MPHOSPH6: variants seen among roughly 807,000 people sequenced by gnomAD.
MPHOSPH6 encodes the protein M-phase phosphoprotein 6.
In MPHOSPH6, 25 loss-of-function variants were observed where a neutral mutation model predicts 21.8. The ratio of observed to expected loss-of-function variants is 1.15; its 90% confidence interval spans 0.83 to 1.60. The LOEUF (loss-of-function observed/expected upper bound fraction) is 1.60, where lower values mean the gene tolerates loss of function less well. Ranked by LOEUF, MPHOSPH6 falls within the 40% of genes most tolerant of loss-of-function variation. The pLI is 0.00. For synonymous variants in MPHOSPH6, 84 were observed against 56.5 expected, an observed-to-expected ratio of 1.49 and a Z score of -2.18; for missense variants, 269 against 181.8, an observed-to-expected ratio of 1.48 and a Z score of -2.76.
intron 2 of MPHOSPH6, among the ~76,000 whole-genome samples, chr16:82,152,671 G>T (rs1221312867): frequency 6.6e-6 from 1 of 152,156 alleles, no homozygotes; most frequent in Non-Finnish European, 1.5e-5. Flanking sequence ...TGCTGCTGAC[G>T]GGGCTGAGCA....
In MPHOSPH6 at chr16:82,148,653, A is replaced by C; in HGVS notation, c.*78T>G. ...AACGTTACAGTATTAATAACTATAG[A>C]GACACCATTGGGATGAGCTCCAGAT... On this transcript the variant is annotated 3_prime_UTR_variant, in exon 5 of 5. Transcript: ENST00000258169. 6.6e-7 allele frequency: 1 copy of C among 1,519,436 alleles called. No individual in the cohort carries two copies. The highest frequency in any genetic ancestry group is 8.9e-7 in the Non-Finnish European group (1 of 1,121,208). 94.1% of individuals were successfully genotyped at this position (1,519,436 alleles called of 1,614,324 possible).
Position 82,148,593 on chromosome 16 carries a change from A to C in MPHOSPH6, c.*138T>G. The C allele has an allele frequency of 9.0e-7, 1 of 1,111,256 alleles. No individual in the cohort carries two copies. The highest frequency in any genetic ancestry group is 2.7e-5 in the Admixed American group (1 of 37,136). 68.8% of individuals were successfully genotyped at this position (1,111,256 alleles called of 1,614,324 possible). A position where few individuals can be genotyped will look rare whatever the true frequency, so the allele number is the denominator to read the frequency against. ...TCCATCACACATCTGTTTCAAAAAC[A>C]GCATGTTTCTAAAATGATAATCTCT... On this transcript the variant is annotated 3_prime_UTR_variant, in exon 5 of 5. Coordinates refer to ENST00000258169, the MANE Select transcript of MPHOSPH6 (RefSeq NM_005792.2).
rs145673793 is a variant in MPHOSPH6 at position 82,167,286 on chromosome 16, C to A, written c.51+2839G>T. Among the ~76,000 whole-genome samples the A allele has an allele frequency of 9.9e-3, 1,502 of 152,282 alleles. 11 individuals carry two copies. Among genetic ancestry groups the A allele is most frequent in the Middle Eastern group, 0.017 (5 of 294 alleles). On this transcript the variant is annotated intron_variant, in intron 1 of 4. Coordinates refer to ENST00000258169, the MANE Select transcript of MPHOSPH6 (RefSeq NM_005792.2). ...CTTTTTCTTCTTCCCATTAGGATCACCCTGCAATGGCTGACCAAGTCAGAG... is the reference window on the plus strand; with the variant it reads ...CTTTTTCTTCTTCCCATTAGGATCAACCTGCAATGGCTGACCAAGTCAGAG...
chr16:82,151,546 A>G (rs776574483), intron 2 of MPHOSPH6, 32 bp from the exon 3 acceptor site: 2 of 1,558,152 alleles, frequency 1.3e-6, no homozygotes, highest in East Asian at 2.3e-5. Flanking sequence ...GCATTTCTCC[A>G]TATATAAAGC....
chr16:82,150,121 G>A (rs1906217514), intron 3 of MPHOSPH6, among the ~76,000 whole-genome samples: 1 of 151,778 alleles, frequency 6.6e-6, no homozygotes, highest in Admixed American at 6.6e-5. Flanking sequence ...AGTGATAATA[G>A]TTTAAAACCT....
At chr16:82,164,488 C>G (rs1037769456) in intron 1 of MPHOSPH6, among the ~76,000 whole-genome samples, 1 of 152,242 alleles carries the variant, frequency 6.6e-6, no homozygotes, top group Non-Finnish European at 1.5e-5. Flanking sequence ...AGCCCACTGG[C>G]TTTGGCACCT....
At chr16:82,156,278 G>C (rs1240258901) in intron 2 of MPHOSPH6, among the ~76,000 whole-genome samples, 1 of 152,058 alleles carries the variant, frequency 6.6e-6, no homozygotes, top group Non-Finnish European at 1.5e-5. Context: ...AAAAACCCTA[G>C]AAACACTGAG....
chr16:82,158,192 T>C (rs1250533087), intron 2 of MPHOSPH6, among the ~76,000 whole-genome samples: 1 of 152,154 alleles, frequency 6.6e-6, no homozygotes, highest in East Asian at 1.9e-4. Context: ...AAACTCTATA[T>C]ATAAGATACT....
chr16:82,151,292 A>T (rs1239225976), intron 3 of MPHOSPH6, 132 bp downstream of exon 3: 3 of 1,302,218 alleles, frequency 2.3e-6, no homozygotes, highest in African/African-American at 1.5e-5. Context: ...AGCTATGGCG[A>T]TATTTCAAGA....
chr16:82,156,690 G>A (rs1287966845), intron 2 of MPHOSPH6, among the ~76,000 whole-genome samples: 1 of 152,144 alleles, frequency 6.6e-6, no homozygotes, highest in Non-Finnish European at 1.5e-5. Flanking sequence ...TTCTGTTAAA[G>A]TACAATTCCA....
At chr16:82,158,425 G>A (rs1192917413) in intron 2 of MPHOSPH6, among the ~76,000 whole-genome samples, 2 of 150,624 alleles carry the variant, frequency 1.3e-5, no homozygotes, top group African/African-American at 2.4e-5. Context: ...TGTGAACCCG[G>A]GAGGTGGAGT....
chr16:82,166,996 G>C (rs1415354996), intron 1 of MPHOSPH6, among the ~76,000 whole-genome samples: 7 of 152,316 alleles, frequency 4.6e-5, no homozygotes, highest in African/African-American at 1.7e-4. Flanking sequence ...GCAGGCATCA[G>C]CATAATACAG....
intron 1 of MPHOSPH6, among the ~76,000 whole-genome samples, chr16:82,165,114 C>CTTTTTTTT (rs1418457856): frequency 0.011 from 703 of 63,844 alleles, 204 homozygotes; most frequent in Admixed American, 0.017. Flanking sequence ...TCCGATATTT[C>CTTTTTTTT]TTTTTTATTT....
At chr16:82,169,272 T>C (rs764028102) in intron 1 of MPHOSPH6, among the ~76,000 whole-genome samples, 1 of 152,208 alleles carries the variant, frequency 6.6e-6, no homozygotes, top group Non-Finnish European at 1.5e-5. Flanking sequence ...CTTCCAGACA[T>C]ACTGAATTGT....
chr16:82,170,026 T>A (rs574619492), intron 1 of MPHOSPH6, 99 bp downstream of exon 1: 19 of 1,351,466 alleles, frequency 1.4e-5, no homozygotes, highest in South Asian at 1.1e-4. Flanking sequence ...CTCTGAGGCC[T>A]CTCTGGTGTC....
In MPHOSPH6 at chr16:82,151,501, C is replaced by A; in HGVS notation, c.178G>T (p.Glu60Ter). The A allele has an allele frequency of 6.3e-7, 1 of 1,588,612 alleles. No homozygotes were observed. Among genetic ancestry groups the A allele is most frequent in the Non-Finnish European group, 8.5e-7 (1 of 1,169,674 alleles). The change falls in exon 3 of 5, where the codon GAA (glutamate) becomes TAA (stop). Residue 60 changes from glutamate (E) to a stop codon, truncating the protein, a stop_gained. Transcript: ENST00000258169. LOFTEE classifies it high-confidence loss of function. ...TCACATAGTAAGAAACTCTGCTCTT[C>A]TATTATGAAACTCCTAAATGGGAAA... ...ELKEKESFII[E>*]EQSFLLCEDL...
intron 3 of MPHOSPH6, among the ~76,000 whole-genome samples, chr16:82,149,744 C>T (rs78558256): frequency 0.15 from 22,373 of 152,040 alleles, 2,312 homozygotes; most frequent in Admixed American, 0.35. Context: ...TCAGATTTTC[C>T]CTGAACTTCC....
In MPHOSPH6 at chr16:82,148,545, C is replaced by A; in HGVS notation, c.*186G>T. 2 of 668,072 alleles carry A rather than the reference C, an allele frequency of 3.0e-6. No homozygotes were observed. Among genetic ancestry groups the A allele is most frequent in the Non-Finnish European group, 4.5e-6 (2 of 443,804 alleles). The allele number at this position is 668,072 out of a possible 1,614,324, so 41.4% of individuals were successfully genotyped here. ...CTAAAAATCCACTCTGAATGAATAC[C>A]AAGAAGCAAAGGATGTACAACATCC... On this transcript the variant is annotated 3_prime_UTR_variant, in exon 5 of 5. Coordinates refer to ENST00000258169, the MANE Select transcript of MPHOSPH6 (RefSeq NM_005792.2).
intron 3 of MPHOSPH6, 123 bp from the exon 4 acceptor site, chr16:82,149,526 A>G: frequency 2.5e-6 from 2 of 795,346 alleles, no homozygotes; most frequent in East Asian, 5.2e-5. Context: ...CAAAATTGAT[A>G]AGGGACTCTC....
Sources: allele counts gnomAD v4.1 joint callset (sites outside exome capture counted in the v4.1 genomes callset), GRCh38; gene constraint gnomAD v4.1.1; transcripts MANE v1.5; gene names NCBI Gene and HGNC (gene_info 2026-07-23, HGNC 2026-07-21).